ZNF76: variants seen among roughly 807,000 people sequenced by gnomAD.
ZNF76 encodes the protein zinc finger protein 76.
In ZNF76, 66 loss-of-function variants were observed where a neutral mutation model predicts 66.9. The ratio of observed to expected loss-of-function variants is 0.99; its 90% confidence interval spans 0.81 to 1.21. The LOEUF (loss-of-function observed/expected upper bound fraction) is 1.21, where lower values mean the gene tolerates loss of function less well. Among genes scored for constraint, ZNF76 ranks in the 50% most tolerant of loss-of-function variants. The pLI is 0.00. For synonymous variants in ZNF76, 275 were observed against 296.1 expected (o/e 0.93, Z 0.73); for missense variants, 729 against 760.3 (o/e 0.96, Z 0.48).
chr6:35,290,833 A>T (rs772911200), intron 7 of ZNF76, 117 bp downstream of exon 7: 6 of 972,380 alleles, frequency 6.2e-6, no homozygotes, highest in Non-Finnish European at 9.6e-6. Context: ...CCGTCAGAGT[A>T]CTCTGACTTG....
chr6:35,260,210 C>T (rs1418794726), intron 1 of ZNF76, among the ~76,000 whole-genome samples: 2 of 152,126 alleles, frequency 1.3e-5, no homozygotes, highest in African/African-American at 4.8e-5. Context: ...GTGACTCCCT[C>T]AGTTTTAATC....
intron 1 of ZNF76, among the ~76,000 whole-genome samples, chr6:35,260,630 C>T (rs1307394290): frequency 2.0e-5 from 3 of 152,114 alleles, no homozygotes; most frequent in African/African-American, 7.2e-5. Context: ...TGGATCAATC[C>T]AGAATCCAGT....
intron 1 of ZNF76, among the ~76,000 whole-genome samples, chr6:35,266,214 G>A (rs1463412978): frequency 6.6e-6 from 1 of 151,614 alleles, no homozygotes; most frequent in Non-Finnish European, 1.5e-5. Context: ...GTGCAGTGGC[G>A]TGATCTCAGC....
chr6:35,294,095 A>T (rs1045240814), intron 12 of ZNF76, 180 bp downstream of exon 12: 1 of 696,730 alleles, frequency 1.4e-6, no homozygotes, highest in African/African-American at 1.8e-5. Context: ...AAGCAGTTGA[A>T]TGGAGGTCAA....
chr6:35,276,196 AT>A (rs1215294019), intron 1 of ZNF76, among the ~76,000 whole-genome samples: 4 of 152,234 alleles, frequency 2.6e-5, no homozygotes, highest in Non-Finnish European at 5.9e-5. Context: ...TTTATATGTG[AT>A]AAAAATAAAT....
intron 2 of ZNF76, 123 bp from the exon 3 acceptor site, chr6:35,286,005 A>T: frequency 1.2e-6 from 1 of 842,828 alleles, no homozygotes; most frequent in Non-Finnish European, 2.0e-6. Context: ...GGAAGATGTT[A>T]CCCATGCTTA....
chr6:35,281,100 G>T lies in ZNF76; in HGVS notation c.-52G>T. 6.4e-7 allele frequency: 1 copy of T among 1,567,564 alleles called. No homozygotes were observed. The highest frequency in any genetic ancestry group is 8.8e-7 in the Non-Finnish European group (1 of 1,137,884). ...ATCTCTGACCTCAGCTGTGGCTCTT[G>T]GTGCTGGCCAGAAGCCAACTTCATG... On this transcript the variant is annotated 5_prime_UTR_variant, in exon 2 of 14. Transcript: ENST00000373953.
At chr6:35,267,021 T>C (rs113021585) in intron 1 of ZNF76, among the ~76,000 whole-genome samples, 6 of 151,978 alleles carry the variant, frequency 3.9e-5, no homozygotes, top group South Asian at 2.1e-4. Flanking sequence ...GGATGGTCTC[T>C]ATCTCCTGAC....
At chr6:35,282,839 G>T (rs1426305882) in intron 2 of ZNF76, among the ~76,000 whole-genome samples, 1 of 152,236 alleles carries the variant, frequency 6.6e-6, no homozygotes, top group African/African-American at 2.4e-5. Context: ...ATATGACAGT[G>T]TGTGGGGGTC....
At chr6:35,271,150 C>A (rs556033323) in intron 1 of ZNF76, among the ~76,000 whole-genome samples, 1 of 152,334 alleles carries the variant, frequency 6.6e-6, no homozygotes, top group East Asian at 1.9e-4. Context: ...TTATTACATG[C>A]AGAGATGCCA....
rs1562125907 is a variant in ZNF76, at chr6:35,290,277, C to T, written c.444C>T (p.Asp148=). Residue 148 remains aspartate, a synonymous_variant, in exon 6 of 14, where the codon GAC becomes GAT. Coordinates refer to ENST00000373953, the MANE Select transcript of ZNF76 (RefSeq NM_003427.5). ...LEQYASKVLH[D]SQIPRNGKGQ... ...GACTTTTCCCCCAGGTTCTTCATGACAGCCAGATTCCCCGTAATGGAAAAG... is the reference window on the plus strand; with the variant it reads ...GACTTTTCCCCCAGGTTCTTCATGATAGCCAGATTCCCCGTAATGGAAAAG... 1 of 1,614,192 alleles carries T rather than the reference C, an allele frequency of 6.2e-7. No individual in the cohort carries two copies. Among genetic ancestry groups the T allele is most frequent in the Non-Finnish European group, 8.5e-7 (1 of 1,180,034 alleles).
chr6:35,292,344 C>G lies in ZNF76; in HGVS notation c.932-210C>G, dbSNP rs987409026. ...TGCCCTGTCCCCCGTTTCCTTTCCG[C>G]CTTGTCTCTGGATTCAGTGGTTCAA... On this transcript the variant is annotated intron_variant, in intron 9 of 13. Coordinates refer to ENST00000373953, the MANE Select transcript of ZNF76 (RefSeq NM_003427.5). This position sits in a 1 kb window ranked among gnomAD's most constrained non-coding sequence, Gnocchi z 4.7. The G allele has an allele frequency of 1.6e-6, 1 of 608,764 alleles. No homozygotes were observed. The highest frequency in any genetic ancestry group is 3.0e-6 in the Non-Finnish European group (1 of 337,552). The allele number at this position is 608,764 out of a possible 1,614,324, so 37.7% of individuals were successfully genotyped here.
intron 1 of ZNF76, among the ~76,000 whole-genome samples, chr6:35,260,666 G>A (rs1372248248): frequency 6.6e-6 from 1 of 152,170 alleles, no homozygotes; most frequent in African/African-American, 2.4e-5. Context: ...TCCCAGCTCT[G>A]TCACTGCTGT....
At chr6:35,279,126 G>A (rs6919534) in intron 1 of ZNF76, 127,784 of 153,980 alleles carry the variant, frequency 0.83, 53,689 homozygotes, top group East Asian at 0.99. Context: ...GTTTAGATTT[G>A]TACTCTTTTT....
At position 35,290,259 on chromosome 6, in the gene ZNF76, C is replaced by T. The variant is rs760007371; in HGVS notation, c.433-7C>T. ...TACATATAGGGATCTCAAGACTTTTCCCCCAGGTTCTTCATGACAGCCAGA... is the reference window on the plus strand; with the variant it reads ...TACATATAGGGATCTCAAGACTTTTTCCCCAGGTTCTTCATGACAGCCAGA... On this transcript the variant is annotated splice_polypyrimidine_tract_variant and splice_region_variant and intron_variant, in intron 5 of 13. Coordinates refer to ENST00000373953, the MANE Select transcript of ZNF76 (RefSeq NM_003427.5). The T allele has an allele frequency of 5.0e-6, 8 of 1,613,920 alleles. No individual in the cohort carries two copies. In the African/African-American group the frequency reaches 9.3e-5, roughly 19 times the overall value.
intron 4 of ZNF76, 198 bp downstream of exon 4, chr6:35,286,597 C>A: frequency 1.6e-6 from 1 of 621,196 alleles, no homozygotes. Flanking sequence ...GCTATGTCTG[C>A]AACTGGGAGG....
intron 1 of ZNF76, among the ~76,000 whole-genome samples, chr6:35,265,818 G>T (rs1785967368): frequency 6.6e-6 from 1 of 152,078 alleles, no homozygotes; most frequent in East Asian, 1.9e-4. Flanking sequence ...TGAATTGGGG[G>T]CAGATCACAC....
In ZNF76 at chr6:35,287,100, C is replaced by G. The variant is rs2150368133; in HGVS notation, c.233-546C>G. On this transcript the variant is annotated intron_variant, in intron 4 of 13. Transcript: ENST00000373953. The surrounding 1 kb of genome is among the most constrained non-coding windows in gnomAD (Gnocchi z 4.0). Reference sequence around the variant, plus strand: ...GCCTAGAGCTGGGGGGAAGAAAGAACAGCACATTCCAGGAACTGCTAGGAG... The same window carrying G: ...GCCTAGAGCTGGGGGGAAGAAAGAAGAGCACATTCCAGGAACTGCTAGGAG... 1.3e-5 allele frequency among the ~76,000 whole-genome samples: 2 copies of G among 152,246 alleles called. No individual in the cohort carries two copies. The highest frequency in any genetic ancestry group is 6.8e-3 in the Middle Eastern group (2 of 294).
rs1185387956 is a variant in ZNF76, at chr6:35,290,254, C to T, written c.433-12C>T. On this transcript the variant is annotated splice_polypyrimidine_tract_variant and intron_variant, in intron 5 of 13. Transcript: ENST00000373953. ...GAGAATACATATAGGGATCTCAAGACTTTTCCCCCAGGTTCTTCATGACAG... is the reference window on the plus strand; with the variant it reads ...GAGAATACATATAGGGATCTCAAGATTTTTCCCCCAGGTTCTTCATGACAG... 6.2e-7 allele frequency: 1 copy of T among 1,614,076 alleles called. No homozygotes were observed. Among genetic ancestry groups the T allele is most frequent in the Non-Finnish European group, 8.5e-7 (1 of 1,179,960 alleles).
Sources: gnomAD v4.1 joint callset for allele counts (sites outside exome capture counted in the v4.1 genomes callset) on GRCh38, gnomAD v4.1.1 for gene constraint, Gnocchi (gnomAD v3.1) non-coding constraint, MANE v1.5 for transcripts, NCBI Gene and HGNC (gene_info 2026-07-23, HGNC 2026-07-21) for gene names.